The following MAPK10 variants were observed in gnomAD, a reference collection of about 807,000 sequenced individuals.
MAPK10 encodes the protein JNK3 alpha protein kinase.
In MAPK10, 25 loss-of-function variants were observed where a neutral mutation model predicts 59.3. The observed-to-expected ratio is 0.42, with a 90% CI of 0.31 to 0.59. The LOEUF (loss-of-function observed/expected upper bound fraction) is 0.59. MAPK10 is among the 20% of genes least tolerant of loss of function. MAPK10 has a pLI of 0.15. For synonymous variants in MAPK10, 190 were observed against 200.5 expected (o/e 0.95, Z 0.44); for missense variants, 351 against 568.9 (o/e 0.62, Z 3.90).
At chr4:86,245,266 G>C (rs2093007856) in intron 2 of MAPK10, among the ~76,000 whole-genome samples, 1 of 151,596 alleles carries the variant, frequency 6.6e-6, no homozygotes, top group South Asian at 2.1e-4. Flanking sequence ...CTGTATACAT[G>C]GTTCTATACC....
rs901402115 is a variant in MAPK10 at position 86,107,478 on chromosome 4, A to C, written c.237-126T>G. The C allele has an allele frequency of 4.4e-6, 6 of 1,375,998 alleles. No homozygotes were observed. The African/African-American group carries it at 8.9e-5, about 20-fold the overall frequency. 85.2% of individuals were successfully genotyped at this position (1,375,998 alleles called of 1,614,324 possible). A position where few individuals can be genotyped will look rare whatever the true frequency, so the allele number is the denominator to read the frequency against. On this transcript the variant is annotated intron_variant, in intron 4 of 13. Coordinates refer to ENST00000641462, the MANE Select transcript of MAPK10 (RefSeq NM_138982.4). ...ATCTTAGATACTGTCTACTCTGGTCACATGCCAATCAGGCTTTAAGTAAAG... is the reference window on the plus strand; with the variant it reads ...ATCTTAGATACTGTCTACTCTGGTCCCATGCCAATCAGGCTTTAAGTAAAG...
At position 86,063,050 on chromosome 4, in the gene MAPK10, G is replaced by A. The variant is rs768484077; in HGVS notation, c.1110+1216C>T. On this transcript the variant is annotated intron_variant, in intron 11 of 13. Coordinates refer to ENST00000641462, the MANE Select transcript of MAPK10 (RefSeq NM_138982.4). The stretch of plus-strand genomic sequence containing the variant: ...GAGCAGATCTTAAACAAAATGTAGT[G>A]CAGTCTTCACACTTGGGAGATTCAT... 5.9e-4 allele frequency among the ~76,000 whole-genome samples: 90 copies of A among 152,152 alleles called. 2 individuals carry two copies. Among genetic ancestry groups the A allele is most frequent in the Admixed American group, 4.6e-3 (70 of 15,268 alleles).
chr4:86,132,111 A>G (rs567572302), intron 4 of MAPK10, among the ~76,000 whole-genome samples: 7 of 152,208 alleles, frequency 4.6e-5, no homozygotes, highest in Non-Finnish European at 8.8e-5. Flanking sequence ...TGAAACTTGG[A>G]TATAATTCTT....
chr4:86,574,889 A>G (rs1489603328), intron 1 of MAPK10, among the ~76,000 whole-genome samples: 4 of 152,164 alleles, frequency 2.6e-5, no homozygotes, highest in Admixed American at 1.3e-4. Flanking sequence ...GGCAGTTAAT[A>G]TATGATTTAA....
rs986446003 is a variant in MAPK10 at position 86,013,023 on chromosome 4, G to T, written c.*4205C>A. 6.6e-6 allele frequency: 1 copy of T among 152,146 alleles called. No individual in the cohort carries two copies. Among genetic ancestry groups the T allele is most frequent in the Admixed American group, 6.5e-5 (1 of 15,268 alleles). The allele number at this position is 152,146 out of a possible 1,614,324, so 9.4% of individuals were successfully genotyped here. A position where few individuals can be genotyped will look rare whatever the true frequency, so the allele number is the denominator to read the frequency against. On this transcript the variant is annotated 3_prime_UTR_variant, in exon 14 of 14. Coordinates refer to ENST00000641462, the MANE Select transcript of MAPK10 (RefSeq NM_138982.4). ...AGATAATCCTACATAAGGATTGGGA[G>T]ATTTGTGTCCATTAGAATATACTGG...
intron 2 of MAPK10, among the ~76,000 whole-genome samples, chr4:86,291,785 GAA>G (rs372705965): frequency 3.9e-5 from 6 of 152,006 alleles, no homozygotes; most frequent in African/African-American, 1.4e-4. Context: ...AGAGGTTAAG[GAA>G]AAAATGACTC....
chr4:86,477,776 C>T (rs1026072926), intron 1 of MAPK10, among the ~76,000 whole-genome samples: 8 of 152,116 alleles, frequency 5.3e-5, no homozygotes, highest in Non-Finnish European at 8.8e-5. Context: ...GTGCCAAACC[C>T]GTATACTCTC....
rs574791899 is a variant in MAPK10 at position 86,576,497 on chromosome 4, G to A, written c.-263+17413C>T. 6.6e-5 allele frequency among the ~76,000 whole-genome samples: 10 copies of A among 152,230 alleles called. No homozygotes were observed. In the South Asian group the frequency reaches 1.2e-3, roughly 19 times the overall value. ...GATTTTAAACGGCCTATAGTAGGCC[G>A]GGCGCGGTGGCTCACGCCTGTAATC... is the stretch of plus-strand genomic sequence containing the variant. On this transcript the variant is annotated intron_variant, in intron 1 of 4. Transcript: ENST00000502302.
At chr4:86,038,408 T>C (rs1042747632) in intron 11 of MAPK10, among the ~76,000 whole-genome samples, 2 of 152,234 alleles carry the variant, frequency 1.3e-5, no homozygotes, top group Non-Finnish European at 2.9e-5. Context: ...GTTAGATGAT[T>C]GTCAAAAGAT....
In MAPK10 at chr4:86,514,426, C is replaced by G. The variant is rs976821594; in HGVS notation, c.-263+79484G>C. Among the ~76,000 whole-genome samples, 8 of 152,168 alleles carry G rather than the reference C, an allele frequency of 5.3e-5. 1 individual carries two copies. Among genetic ancestry groups the G allele is most frequent in the African/African-American group, 1.9e-4 (8 of 41,418 alleles). ...AAAATCTTTGTCTTCCTTTACCTCT[C>G]TGAATATATACATAGTTTACTATGG... On this transcript the variant is annotated intron_variant, in intron 1 of 4. Transcript: ENST00000502302.
At chr4:86,405,818 T>C (rs940168245) in intron 1 of MAPK10, among the ~76,000 whole-genome samples, 3 of 152,206 alleles carry the variant, frequency 2.0e-5, no homozygotes, top group African/African-American at 7.2e-5. Flanking sequence ...CTTGTGAGAA[T>C]TGAGTGAGTT....
Position 86,529,555 on chromosome 4 carries a change from C to A in MAPK10, c.-263+64355G>T, listed in dbSNP as rs373076743. 1.1e-4 allele frequency among the ~76,000 whole-genome samples: 17 copies of A among 152,248 alleles called. No homozygotes were observed. The South Asian group carries it at 3.5e-3, about 32-fold the overall frequency. The stretch of plus-strand genomic sequence containing the variant: ...GGAAACAAAATGTCTGTTTATTTTT[C>A]TTTTCAAGTTATTTGCTTCTTTTCA... On this transcript the variant is annotated intron_variant, in intron 1 of 4. Transcript: ENST00000502302.
chr4:86,302,317 A>C (rs1258904464), intron 2 of MAPK10, among the ~76,000 whole-genome samples: 1 of 152,254 alleles, frequency 6.6e-6, no homozygotes, highest in African/African-American at 2.4e-5. Flanking sequence ...TTTTCTACGT[A>C]TGATTCACAG....
rs1742522880 is a variant in MAPK10, at chr4:86,014,472, T to A, written c.*2756A>T. On this transcript the variant is annotated 3_prime_UTR_variant, in exon 14 of 14. Transcript: ENST00000641462. ...ACTGGGGGGCTTTTACAGTGGTGAT[T>A]CTCTTTGTTGTTCCATCATCTGCCT... The A allele has an allele frequency of 6.6e-6, 1 of 152,124 alleles. No individual in the cohort carries two copies. The highest frequency in any genetic ancestry group is 1.5e-5 in the Non-Finnish European group (1 of 68,040). 9.4% of individuals were successfully genotyped at this position (152,124 alleles called of 1,614,324 possible). A position where few individuals can be genotyped will look rare whatever the true frequency, so the allele number is the denominator to read the frequency against.
At chr4:86,511,829 AGAAG>A (rs1291219013) in intron 1 of MAPK10, among the ~76,000 whole-genome samples, 1 of 150,190 alleles carries the variant, frequency 6.7e-6, no homozygotes, top group African/African-American at 2.5e-5. Context: ...AAGGAAGGAA[AGAAG>A]GAAGGAAGGA....
intron 1 of MAPK10, among the ~76,000 whole-genome samples, chr4:86,581,054 G>A (rs547876337): frequency 1.3e-5 from 2 of 152,198 alleles, no homozygotes; most frequent in Admixed American, 6.5e-5. Context: ...ATGGTGTTTT[G>A]CTTCAATTCT....
intron 2 of MAPK10, among the ~76,000 whole-genome samples, chr4:86,338,097 C>A (rs530760317): frequency 6.6e-6 from 1 of 152,096 alleles, no homozygotes; most frequent in African/African-American, 2.4e-5. Flanking sequence ...AGTGTCCCCC[C>A]ACTTCCCCTC....
chr4:86,103,275 G>C, intron 5 of MAPK10, 31 bp from the exon 6 acceptor site: 1 of 1,085,966 alleles, frequency 9.2e-7, no homozygotes, highest in Non-Finnish European at 1.4e-6. Context: ...CAGAGGAAAC[G>C]AGAGAAAGAA....
intron 11 of MAPK10, among the ~76,000 whole-genome samples, chr4:86,040,256 A>G (rs1381281065): frequency 6.6e-6 from 1 of 152,208 alleles, no homozygotes; most frequent in Admixed American, 6.5e-5. Flanking sequence ...AATTACAGGG[A>G]AACAATTTCA....
Sources: allele counts gnomAD v4.1 joint callset (sites outside exome capture counted in the v4.1 genomes callset), GRCh38; gene constraint gnomAD v4.1.1; transcripts MANE v1.5; gene names NCBI Gene and HGNC (gene_info 2026-07-23, HGNC 2026-07-21).